The following L3MBTL4 variants were observed in gnomAD, a reference collection of about 807,000 sequenced individuals.
L3MBTL4 encodes the protein L3MBTL histone methyl-lysine binding protein 4.
In L3MBTL4, 70 loss-of-function variants were observed where a neutral mutation model predicts 84.5. The observed-to-expected ratio is 0.83, with a 90% CI of 0.68 to 1.01. The LOEUF is 1.01. Ranked by LOEUF, L3MBTL4 falls within the 50% of genes least tolerant of loss-of-function variation. L3MBTL4 has a pLI of 0.00. For missense variants in L3MBTL4, 715 were observed against 754.8 expected (o/e 0.95, Z 0.62); for synonymous variants, 274 against 259.8 (o/e 1.05, Z -0.52).
At chr18:6,104,657 C>T (rs2058941281) in intron 14 of L3MBTL4, among the ~76,000 whole-genome samples, 1 of 152,174 alleles carries the variant, frequency 6.6e-6, no homozygotes, top group Non-Finnish European at 1.5e-5. Context: ...TGCTGTATAA[C>T]ATTGTGCCTA....
At chr18:6,271,346 AC>A (rs2048860124) in intron 4 of L3MBTL4, among the ~76,000 whole-genome samples, 1 of 152,218 alleles carries the variant, frequency 6.6e-6, no homozygotes, top group Admixed American at 6.5e-5. Context: ...CTTTGTACAC[AC>A]TAAAGTAACA....
chr18:6,237,833 AGAATCT>A, intron 10 of L3MBTL4, 125 bp downstream of exon 10: 1 of 715,002 alleles, frequency 1.4e-6, no homozygotes, highest in Non-Finnish European at 2.4e-6. Context: ...GGTGGTCAAC[AGAATCT>A]CACATAGTGT....
chr18:6,059,988 T>C (rs1027562812), intron 16 of L3MBTL4, among the ~76,000 whole-genome samples: 6 of 152,236 alleles, frequency 3.9e-5, no homozygotes, highest in African/African-American at 9.6e-5. Context: ...AATATTTTAA[T>C]TGACATCTAA....
chr18:6,038,327 C>T (rs1395641478), intron 16 of L3MBTL4, among the ~76,000 whole-genome samples: 1 of 144,656 alleles, frequency 6.9e-6, no homozygotes, highest in African/African-American at 2.5e-5. Context: ...AATCTCGGCT[C>T]ACTGCAAGCT....
intron 16 of L3MBTL4, among the ~76,000 whole-genome samples, chr18:6,018,061 C>T (rs1158604861): frequency 6.6e-6 from 1 of 152,078 alleles, no homozygotes; most frequent in East Asian, 1.9e-4. Context: ...TTTTCTTATG[C>T]ATAGTAAGGT....
rs200190874 is a variant in L3MBTL4 at position 6,241,369 on chromosome 18, T to C, written c.541A>G (p.Asn181Asp). 1.2e-4 allele frequency: 184 copies of C among 1,581,638 alleles called. No individual in the cohort carries two copies. In the East Asian group the frequency reaches 4.1e-3, roughly 35 times the overall value. The change falls in exon 8 of 19, where the codon AAC becomes GAC. Residue 181 changes from asparagine (N) to aspartate (D), a missense_variant. By Grantham distance (23) the Asn-to-Asp change is conservative (BLOSUM62 1). Coordinates refer to ENST00000317931, the MANE Select transcript of L3MBTL4 (RefSeq NM_001330559.2). The part of the protein sequence containing the change: ...LQNAPKKLFR[N>D]RSPNGPMSKE... ...AAGAAAATACTTACAGGACTTCTGT[T>C]TCTGAATAATTTCTTTGGAGCATTT...
In L3MBTL4 at chr18:6,394,237, T is replaced by A. The variant is rs184144594; in HGVS notation, c.-91+20564A>T. ...AATCCCAGCACTTTGGGAGACCGAG[T>A]TGGGCAGATCACCTGAGGTCAGGAG... On this transcript the variant is annotated intron_variant, in intron 1 of 18. Coordinates refer to ENST00000317931, the MANE Select transcript of L3MBTL4 (RefSeq NM_001330559.2). Among the ~76,000 whole-genome samples the A allele has an allele frequency of 1.3e-5, 2 of 152,094 alleles. 1 individual carries two copies. Among genetic ancestry groups the A allele is most frequent in the Non-Finnish European group, 2.9e-5 (2 of 67,970 alleles).
intron 17 of L3MBTL4, among the ~76,000 whole-genome samples, chr18:5,962,371 C>G (rs1460674732): frequency 2.0e-5 from 3 of 152,116 alleles, no homozygotes; most frequent in Admixed American, 6.5e-5. Context: ...AACCCCAAAG[C>G]AGGACAACAC....
chr18:6,156,783 G>A (rs74826050), intron 13 of L3MBTL4, among the ~76,000 whole-genome samples: 3 of 152,104 alleles, frequency 2.0e-5, no homozygotes, highest in African/African-American at 2.4e-5. Context: ...CTGTAAATTC[G>A]CACAGAGCTG....
At chr18:6,006,894 A>C (rs1046315583) in intron 16 of L3MBTL4, among the ~76,000 whole-genome samples, 3 of 152,214 alleles carry the variant, frequency 2.0e-5, no homozygotes, top group Admixed American at 6.5e-5. Flanking sequence ...TGAACAAAAA[A>C]CAAATAAAAT....
chr18:6,358,955 T>C (rs2053562915), intron 1 of L3MBTL4, among the ~76,000 whole-genome samples: 1 of 152,246 alleles, frequency 6.6e-6, no homozygotes, highest in Non-Finnish European at 1.5e-5. Flanking sequence ...TTTCAGTTTA[T>C]GAAAATGTCT....
chr18:6,161,453 A>C (rs368693247), intron 13 of L3MBTL4, among the ~76,000 whole-genome samples: 2 of 152,188 alleles, frequency 1.3e-5, no homozygotes, highest in Admixed American at 1.3e-4. Flanking sequence ...TCTTGGCTCA[A>C]ATTTACTGCA....
At chr18:6,031,811 GTT>G (rs11333960) in intron 16 of L3MBTL4, 29,159 of 819,800 alleles carry the variant, frequency 0.036, 2 homozygotes, top group Non-Finnish European at 0.04. Flanking sequence ...CAGATTCATG[GTT>G]TTTTTTTTTT....
chr18:6,339,000 C>T (rs1396221293), intron 1 of L3MBTL4, among the ~76,000 whole-genome samples: 1 of 152,052 alleles, frequency 6.6e-6, no homozygotes, highest in Non-Finnish European at 1.5e-5. Context: ...AATTTCAAAA[C>T]ATGTAAAGCA....
chr18:6,343,305 T>C (rs1437571475), intron 1 of L3MBTL4, among the ~76,000 whole-genome samples: 1 of 152,188 alleles, frequency 6.6e-6, no homozygotes, highest in Non-Finnish European at 1.5e-5. Flanking sequence ...TTTTCAAGCA[T>C]ACACATAACA....
intron 18 of L3MBTL4, 115 bp downstream of exon 18, chr18:5,959,979 C>T: frequency 4.4e-6 from 1 of 227,202 alleles, no homozygotes; most frequent in South Asian, 1.8e-4. Context: ...GAAAACAAAA[C>T]ACTTCTGGGT....
intron 4 of L3MBTL4, among the ~76,000 whole-genome samples, chr18:6,294,813 G>C (rs2050020706): frequency 6.6e-6 from 1 of 152,208 alleles, no homozygotes; most frequent in African/African-American, 2.4e-5. Context: ...AGATGTAGGA[G>C]AGACTTAGTA....
chr18:6,172,643 T>G (rs1011243032), intron 12 of L3MBTL4, among the ~76,000 whole-genome samples: 3 of 152,112 alleles, frequency 2.0e-5, no homozygotes, highest in Non-Finnish European at 4.4e-5. Flanking sequence ...GCATCTTATC[T>G]GCAAAACACA....
At chr18:6,080,276 C>G (rs1304088108) in intron 16 of L3MBTL4, 1 of 152,246 alleles carries the variant, frequency 6.6e-6, no homozygotes, top group East Asian at 1.9e-4. Context: ...TAGAAATTAT[C>G]AATGTTTGCA....
Sources: allele counts gnomAD v4.1 joint callset (sites outside exome capture counted in the v4.1 genomes callset), GRCh38; gene constraint gnomAD v4.1.1; transcripts MANE v1.5; gene names NCBI Gene and HGNC (gene_info 2026-07-23, HGNC 2026-07-21).